Variants in SUCLG2 observed in about 807,000 individuals in gnomAD.
SUCLG2 encodes the protein succinate-CoA ligase GDP-forming subunit beta, also known as succinate--CoA ligase [GDP-forming] subunit beta, mitochondrial.
Under a neutral mutation model 47.9 loss-of-function variants are expected in SUCLG2, and 42 were observed. That is an observed-to-expected ratio of 0.88 (90% CI 0.69 to 1.14). The LOEUF (loss-of-function observed/expected upper bound fraction) is 1.14, where lower values mean the gene tolerates loss of function less well. Among genes scored for constraint, SUCLG2 ranks in the 50% most tolerant of loss-of-function variants. SUCLG2 has a pLI of 0.00. For synonymous variants in SUCLG2, 195 were observed against 197.3 expected, an observed-to-expected ratio of 0.99 and a Z score of 0.10; for missense variants, 571 against 525.9, an observed-to-expected ratio of 1.09 and a Z score of -0.84.
intron 10 of SUCLG2, among the ~76,000 whole-genome samples, chr3:67,378,962 T>C (rs930926427): frequency 3.9e-5 from 6 of 152,112 alleles, no homozygotes; most frequent in African/African-American, 1.4e-4. Context: ...GTAAATTTTG[T>C]TTTAGACAGA....
At chr3:67,632,802 A>G (rs1700949365) in intron 1 of SUCLG2, among the ~76,000 whole-genome samples, 1 of 152,214 alleles carries the variant, frequency 6.6e-6, no homozygotes, top group Admixed American at 6.5e-5. Flanking sequence ...TAACTTCTAG[A>G]GTCTATGACC....
At chr3:67,416,061 C>G (rs934262012) in intron 9 of SUCLG2, among the ~76,000 whole-genome samples, 3 of 152,188 alleles carry the variant, frequency 2.0e-5, no homozygotes, top group African/African-American at 7.2e-5. Context: ...ATTTTGGAAG[C>G]AGATTGATCC....
intron 9 of SUCLG2, among the ~76,000 whole-genome samples, chr3:67,436,587 C>A (rs1703629563): frequency 6.6e-6 from 1 of 152,120 alleles, no homozygotes. Flanking sequence ...AAGTCTGTTG[C>A]CTGGATTACT....
intron 10 of SUCLG2, among the ~76,000 whole-genome samples, chr3:67,380,597 C>G (rs1015212905): frequency 1.3e-5 from 2 of 151,928 alleles, no homozygotes; most frequent in African/African-American, 2.4e-5. Context: ...TTCTCATATT[C>G]AAATATGAAG....
At chr3:67,627,387 C>G (rs1340633944) in intron 1 of SUCLG2, among the ~76,000 whole-genome samples, 1 of 152,172 alleles carries the variant, frequency 6.6e-6, no homozygotes, top group Non-Finnish European at 1.5e-5. Context: ...TGTGAAAATA[C>G]TTTTACTTGG....
chr3:67,636,698 G>A (rs1271450602), intron 1 of SUCLG2, among the ~76,000 whole-genome samples: 2 of 151,984 alleles, frequency 1.3e-5, no homozygotes, highest in Non-Finnish European at 1.5e-5. Context: ...GGGTTTCACC[G>A]TGTTAGCCAA....
At chr3:67,391,240 T>C (rs1259915140) in intron 10 of SUCLG2, among the ~76,000 whole-genome samples, 4 of 152,238 alleles carry the variant, frequency 2.6e-5, no homozygotes, top group Admixed American at 6.5e-5. Context: ...TGTCTTTCGC[T>C]TTCTTGACTA....
At chr3:67,577,970 G>C (rs7643394) in intron 2 of SUCLG2, among the ~76,000 whole-genome samples, 4 of 151,906 alleles carry the variant, frequency 2.6e-5, no homozygotes, top group African/African-American at 9.7e-5. Flanking sequence ...ATTTCAAAAA[G>C]CATCATCAGT....
At chr3:67,370,926 T>C (rs2106749414), downstream of SUCLG2, among the ~76,000 whole-genome samples, 1 of 152,346 alleles carries the variant, frequency 6.6e-6, no homozygotes, top group South Asian at 2.1e-4. Context: ...TTCTGCTTTT[T>C]AATACAAGGT....
intron 9 of SUCLG2, among the ~76,000 whole-genome samples, chr3:67,449,870 C>T (rs1450956202): frequency 6.6e-6 from 1 of 151,948 alleles, no homozygotes; most frequent in Non-Finnish European, 1.5e-5. Flanking sequence ...TGCATGGCCT[C>T]CAAAAGTGAT....
chr3:67,384,026 A>G (rs1483957840), intron 10 of SUCLG2, among the ~76,000 whole-genome samples: 4 of 152,216 alleles, frequency 2.6e-5, no homozygotes, highest in Admixed American at 1.3e-4. Flanking sequence ...AAATTTTCAA[A>G]GGTAATTTTA....
intron 9 of SUCLG2, among the ~76,000 whole-genome samples, chr3:67,402,432 T>G (rs1702706025): frequency 6.6e-6 from 1 of 152,184 alleles, no homozygotes; most frequent in African/African-American, 2.4e-5. Flanking sequence ...ATGAACAATA[T>G]TTTTCAAACC....
At chr3:67,455,125 A>G (rs1283949151) in intron 9 of SUCLG2, among the ~76,000 whole-genome samples, 2 of 152,154 alleles carry the variant, frequency 1.3e-5, no homozygotes, top group South Asian at 2.1e-4. Context: ...CTTAGGGTCT[A>G]TTTCACATAT....
chr3:67,520,504 G>C lies in SUCLG2; in HGVS notation c.548C>G (p.Ser183Ter), dbSNP rs1280243191. 2 of 1,614,154 alleles carry C rather than the reference G, an allele frequency of 1.2e-6. No homozygotes were observed. Among genetic ancestry groups the C allele is most frequent in the South Asian group, 2.2e-5 (2 of 91,088 alleles). The change falls in exon 5 of 11, where the codon TCA becomes TGA. Residue 183 changes from serine to a stop codon, truncating the protein, a stop_gained. Transcript: ENST00000307227. LOFTEE classifies it high-confidence loss of function. Reference protein sequence around the residue: ...GGVDIEEVAASNPELIFKEQI... With the variant: ...GGVDIEEVAA ...TACCTTAAAAATGAGCTCCGGGTTT[G>C]AAGCAGCCACCTCTTCAATGTCGAC...
intron 1 of SUCLG2, among the ~76,000 whole-genome samples, chr3:67,613,583 A>G (rs981214845): frequency 6.6e-6 from 1 of 152,202 alleles, no homozygotes; most frequent in African/African-American, 2.4e-5. Flanking sequence ...AGGGACCAGA[A>G]TAAGGATGGA....
chr3:67,599,285 A>G (rs1708362472), intron 2 of SUCLG2, among the ~76,000 whole-genome samples: 1 of 152,232 alleles, frequency 6.6e-6, no homozygotes, highest in Admixed American at 6.5e-5. Flanking sequence ...TATGAAAGAA[A>G]GAATTTGGAC....
intron 10 of SUCLG2, among the ~76,000 whole-genome samples, chr3:67,379,368 G>C (rs763465133): frequency 6.6e-6 from 1 of 152,086 alleles, no homozygotes; most frequent in South Asian, 2.1e-4. Context: ...CAGGAGTGGC[G>C]CTCCTGATGT....
At chr3:67,535,236 C>T (rs116723544) in intron 2 of SUCLG2, among the ~76,000 whole-genome samples, 3,042 of 152,164 alleles carry the variant, frequency 0.02, 96 homozygotes, top group African/African-American at 0.07. Flanking sequence ...GGAGGCAGAA[C>T]TACTATGACT....
At chr3:67,565,534 C>A (rs1191287501) in intron 2 of SUCLG2, among the ~76,000 whole-genome samples, 1 of 152,182 alleles carries the variant, frequency 6.6e-6, no homozygotes, top group Non-Finnish European at 1.5e-5. Flanking sequence ...GTAACATTGG[C>A]ATATAAACAA....
Sources: gnomAD v4.1 joint callset for allele counts (sites outside exome capture counted in the v4.1 genomes callset) on GRCh38, gnomAD v4.1.1 for gene constraint, MANE v1.5 for transcripts, NCBI Gene and HGNC (gene_info 2026-07-23, HGNC 2026-07-21) for gene names.